Variants in RALGAPB observed in about 807,000 individuals in gnomAD.
RALGAPB encodes Ral GTPase activating protein non-catalytic subunit beta.
Under a neutral mutation model 161.1 loss-of-function variants are expected in RALGAPB, and 25 were observed. That is an observed-to-expected ratio of 0.16 (90% CI 0.11 to 0.22). The LOEUF (loss-of-function observed/expected upper bound fraction) is 0.22, where lower values mean the gene tolerates loss of function less well. RALGAPB is among the 10% of genes least tolerant of loss of function. RALGAPB has a pLI of 1.00. For synonymous variants in RALGAPB, 629 were observed against 626.1 expected, an observed-to-expected ratio of 1.00 and a Z score of -0.07; for missense variants, 1,391 against 1,815.2, an observed-to-expected ratio of 0.77 and a Z score of 4.25.
At position 38,574,833 on chromosome 20, in the gene RALGAPB, T is replaced by C. The variant is rs1166983429; in HGVS notation, c.4351T>C (p.Ser1451Pro). ...TAGAAGAAAGAGACTGGAAAGTGACTCCTACAGTCCCCCCCATGTCCGCCG... is the reference window on the plus strand; with the variant it reads ...TAGAAGAAAGAGACTGGAAAGTGACCCCTACAGTCCCCCCCATGTCCGCCG... ...ICRRKRLESD[S>P]YSPPHVRRKQ... is the part of the protein sequence containing the mutation. Residue 1451 changes from serine (S) to proline (P), a missense_variant, in exon 30 of 30, where the codon TCC becomes CCC. Coordinates refer to ENST00000262879, the MANE Select transcript of RALGAPB (RefSeq NM_020336.4). The C allele has an allele frequency of 1.2e-6, 2 of 1,613,902 alleles. No individual in the cohort carries two copies. Among genetic ancestry groups the C allele is most frequent in the East Asian group, 2.2e-5 (1 of 44,884 alleles).
Position 38,517,619 on chromosome 20 carries a change from G to A in RALGAPB, c.1165G>A (p.Val389Ile), listed in dbSNP as rs1269772638. 6.2e-7 allele frequency: 1 copy of A among 1,614,010 alleles called. No homozygotes were observed. The highest frequency in any genetic ancestry group is 1.1e-5 in the South Asian group (1 of 91,060). ...CCCACATAACCGGAGGCACCGGGCT[G>A]TTACTGTGAATAAGGCCACCATGAA... Reference protein sequence around the residue: ...TPPHNRRHRAVTVNKATMKTS... With the variant: ...TPPHNRRHRAITVNKATMKTS... Residue 389 changes from valine to isoleucine, a missense_variant, in exon 8 of 30, where the codon GTT becomes ATT. This residue lies in a region of RALGAPB where 946 missense variants were observed against 1,257.2 expected (regional missense o/e 0.75). Coordinates refer to ENST00000262879, the MANE Select transcript of RALGAPB (RefSeq NM_020336.4).
At chr20:38,532,030 C>T (rs151107246) in intron 14 of RALGAPB, among the ~76,000 whole-genome samples, 102 of 152,016 alleles carry the variant, frequency 6.7e-4, no homozygotes, top group African/African-American at 2.1e-3. Flanking sequence ...TTTGTTTATT[C>T]ATGCCTTTTT....
chr20:38,520,719 ATAATT>A (rs749321021), intron 9 of RALGAPB, among the ~76,000 whole-genome samples: 4 of 152,256 alleles, frequency 2.6e-5, no homozygotes, highest in East Asian at 3.9e-4. Context: ...CTATTATAAA[ATAATT>A]TAAGCATTTC....
rs1200331460 is a variant in RALGAPB, at chr20:38,567,140, A to G, written c.3862A>G (p.Asn1288Asp). The G allele has an allele frequency of 3.1e-6, 5 of 1,613,628 alleles. No individual in the cohort carries two copies. Among genetic ancestry groups the G allele is most frequent in the Non-Finnish European group, 4.2e-6 (5 of 1,179,744 alleles). Residue 1288 changes from asparagine to aspartate, a missense_variant, in exon 26 of 30, where the codon AAT becomes GAT. This residue lies in a region of RALGAPB where 436 missense variants were observed against 527.0 expected (regional missense o/e 0.83). Transcript: ENST00000262879. Reference protein sequence around the residue: ...SNISDQDSDSNMDLMPGILKQ... With the variant: ...SNISDQDSDSDMDLMPGILKQ... ...CATCTCGGACCAAGATAGTGATTCA[A>G]ATATGGATCTTATGCCAGGAATTCT...
chr20:38,514,917 T>C (rs1214909551), intron 6 of RALGAPB, among the ~76,000 whole-genome samples: 3 of 152,256 alleles, frequency 2.0e-5, no homozygotes, highest in Non-Finnish European at 4.4e-5. Context: ...ATTTCAAGTT[T>C]TACTTACTTT....
At chr20:38,542,893 C>T (rs1158401000) in intron 18 of RALGAPB, among the ~76,000 whole-genome samples, 4 of 151,968 alleles carry the variant, frequency 2.6e-5, no homozygotes, top group Admixed American at 1.3e-4. Context: ...AGAACTAAAA[C>T]TTGATGCATG....
Position 38,574,266 on chromosome 20 carries a change from T to C in RALGAPB, c.4259T>C (p.Val1420Ala), listed in dbSNP as rs756468473. ...TGKFNMVIPL[V>A]DGMIVSRRAL... ...AAATTTAATATGGTCATCCCTCTTG[T>C]GGATGGGATGATTGTCAGCAGGCGA... is the stretch of plus-strand genomic sequence containing the variant. Residue 1420 changes from valine to alanine, a missense_variant, in exon 29 of 30, where the codon GTG (valine) becomes GCG (alanine). Val to Ala is a moderately conservative substitution (Grantham distance 64). This residue lies in a region of RALGAPB where 436 missense variants were observed against 527.0 expected (regional missense o/e 0.83). Coordinates refer to ENST00000262879, the MANE Select transcript of RALGAPB (RefSeq NM_020336.4). 6.2e-7 allele frequency: 1 copy of C among 1,613,246 alleles called. No homozygotes were observed. Among genetic ancestry groups the C allele is most frequent in the East Asian group, 2.2e-5 (1 of 44,824 alleles).
chr20:38,559,790 G>A (rs914292882), intron 23 of RALGAPB, among the ~76,000 whole-genome samples: 7 of 152,192 alleles, frequency 4.6e-5, no homozygotes, highest in African/African-American at 1.7e-4. Flanking sequence ...AGATAGGTGA[G>A]AATGGAAAAC....
chr20:38,563,845 G>T (rs1264285472), intron 24 of RALGAPB, among the ~76,000 whole-genome samples: 3 of 152,066 alleles, frequency 2.0e-5, no homozygotes, highest in African/African-American at 7.3e-5. Flanking sequence ...CTTTAGCTTT[G>T]CTCTCCATAT....
chr20:38,549,684 G>A (rs1289364492), intron 20 of RALGAPB, among the ~76,000 whole-genome samples: 1 of 151,806 alleles, frequency 6.6e-6, no homozygotes, highest in East Asian at 1.9e-4. Flanking sequence ...AATAATACTT[G>A]AGAAGTTGGA....
chr20:38,509,337 T>C, intron 6 of RALGAPB, 129 bp downstream of exon 6: 3 of 1,040,368 alleles, frequency 2.9e-6, no homozygotes, highest in East Asian at 2.5e-5. Context: ...GGAATCCAGC[T>C]GGACAACAAG....
intron 13 of RALGAPB, among the ~76,000 whole-genome samples, chr20:38,530,325 C>G (rs1175207575): frequency 6.6e-6 from 1 of 152,176 alleles, no homozygotes; most frequent in Non-Finnish European, 1.5e-5. Context: ...TTATTTAATA[C>G]TACATCTTTG....
chr20:38,517,692 T>C lies in RALGAPB; in HGVS notation c.1200+38T>C, dbSNP rs761140275. Reference sequence around the variant, plus strand: ...ATCACCATTGTTATGCTATATAAGGTTGGCTTTTTAATCTGCCATTCTTTT... The same window carrying C: ...ATCACCATTGTTATGCTATATAAGGCTGGCTTTTTAATCTGCCATTCTTTT... On this transcript the variant is annotated intron_variant, in intron 8 of 29. Transcript: ENST00000262879. 23 of 1,611,160 alleles carry C rather than the reference T, an allele frequency of 1.4e-5. No homozygotes were observed. The African/African-American group carries it at 2.8e-4, about 20-fold the overall frequency.
intron 5 of RALGAPB, among the ~76,000 whole-genome samples, chr20:38,500,806 C>T (rs904151475): frequency 1.3e-5 from 2 of 152,066 alleles, no homozygotes; most frequent in Non-Finnish European, 2.9e-5. Context: ...GATAAGAAAG[C>T]AAAACAGGCT....
intron 6 of RALGAPB, 53 bp downstream of exon 6, chr20:38,509,261 C>G: frequency 6.4e-7 from 1 of 1,557,166 alleles, no homozygotes; most frequent in Non-Finnish European, 8.8e-7. Context: ...TATCTTAGGG[C>G]AGGAATCATG....
At chr20:38,548,383 A>T (rs1040251315) in intron 19 of RALGAPB, among the ~76,000 whole-genome samples, 3 of 152,250 alleles carry the variant, frequency 2.0e-5, no homozygotes, top group African/African-American at 7.2e-5. Context: ...AGATGATCTT[A>T]GTTGATACAT....
chr20:38,476,395 G>A (rs888799683), intron 1 of RALGAPB, among the ~76,000 whole-genome samples: 4 of 152,120 alleles, frequency 2.6e-5, no homozygotes, highest in South Asian at 2.1e-4. Flanking sequence ...TTATAGATGC[G>A]GAAAGTAACT....
chr20:38,508,725 C>G (rs1015452664), intron 5 of RALGAPB, among the ~76,000 whole-genome samples: 1 of 152,158 alleles, frequency 6.6e-6, no homozygotes, highest in Non-Finnish European at 1.5e-5. Flanking sequence ...TTCCCAGCTT[C>G]TTTCCATTAG....
chr20:38,495,169 GTCA>G (rs1360620504), intron 3 of RALGAPB, among the ~76,000 whole-genome samples: 2 of 152,164 alleles, frequency 1.3e-5, no homozygotes, highest in Non-Finnish European at 2.9e-5. Flanking sequence ...TCACAAAACT[GTCA>G]TCTAAGTTTA....
Sources: allele counts gnomAD v4.1 joint callset (sites outside exome capture counted in the v4.1 genomes callset), GRCh38; gene constraint gnomAD v4.1.1; regional missense constraint gnomAD v4.1.1; transcripts MANE v1.5; gene names NCBI Gene and HGNC (gene_info 2026-07-23, HGNC 2026-07-21).